SEMA6C: variants seen among roughly 807,000 people sequenced by gnomAD.
SEMA6C encodes the protein semaphorin 6C, also known as semaphorin-6C.
A neutral mutation model predicts 72.9 loss-of-function variants in SEMA6C; 37 were observed. That is an observed-to-expected ratio of 0.51 (90% CI 0.39 to 0.67). The LOEUF (loss-of-function observed/expected upper bound fraction) is 0.67. Ranked by LOEUF, SEMA6C falls within the 30% of genes least tolerant of loss-of-function variation. The probability of loss-of-function intolerance (pLI) is 0.00; values close to 1 mark genes in which losing one functional copy is unlikely to be tolerated. For missense variants in SEMA6C, 1,189 were observed against 1,263.6 expected (o/e 0.94, Z 0.89); for synonymous variants, 578 against 554.1 (o/e 1.04, Z -0.61).
At position 151,136,112 on chromosome 1, in the gene SEMA6C, T is replaced by C; in HGVS notation, c.1158A>G (p.Arg386=). Residue 386 remains arginine (R), a synonymous_variant, in exon 13 of 19, where the codon CGA becomes CGG. Transcript: ENST00000368914. The stretch of plus-strand genomic sequence containing the variant: ...AGGTCAGGACATCATCAGGGAGGTC[T>C]CGGGAAGAGGAGAACAAGGCAGCTC... ...VGGAALFSSS[R]DLPDDVLTFI... is the part of the protein sequence containing the mutation. The C allele has an allele frequency of 6.2e-7, 1 of 1,614,004 alleles. No individual in the cohort carries two copies. The highest frequency in any genetic ancestry group is 1.1e-5 in the South Asian group (1 of 91,066).
At position 151,132,714 on chromosome 1, in the gene SEMA6C, A is replaced by C. The variant is rs1016883312; in HGVS notation, c.2563T>G (p.Ser855Ala). ...AGGGCAGGGGGGGCCCGGTGGCCGG[A>C]GAAAGGCAACCTCCGGCCTCCGCCG... The part of the protein sequence containing the change: ...GVGGGRRLPF[S>A]GHRAPPALLT... Residue 855 changes from serine to alanine, a missense_variant, in exon 19 of 19, where the codon TCC becomes GCC. This residue lies in a region of SEMA6C where 721 missense variants were observed against 686.2 expected (regional missense o/e 1.05). Coordinates refer to ENST00000368914, the MANE Select transcript of SEMA6C (RefSeq NM_030913.6). 38 of 1,486,786 alleles carry C rather than the reference A, an allele frequency of 2.6e-5. No individual in the cohort carries two copies. The highest frequency in any genetic ancestry group is 3.2e-5 in the Non-Finnish European group (36 of 1,117,386). 92.1% of individuals were successfully genotyped at this position (1,486,786 alleles called of 1,614,324 possible).
At chr1:151,144,020 T>C (rs4971009) in intron 2 of SEMA6C, among the ~76,000 whole-genome samples, 142,766 of 151,860 alleles carry the variant, frequency 0.94, 67,132 homozygotes, top group Non-Finnish European at 0.96. Context: ...AGGTGGGGCC[T>C]CAAGAGAGCT....
chr1:151,132,273 A>G lies in SEMA6C; in HGVS notation c.*211T>C. ...CCTGAAATGCTGGCTCACTGAGGAG[A>G]CGGGCTTCTCACCTCCCACTCTTCT... On this transcript the variant is annotated 3_prime_UTR_variant, in exon 19 of 19. Coordinates refer to ENST00000368914, the MANE Select transcript of SEMA6C (RefSeq NM_030913.6). 1 of 1,530,176 alleles carries G rather than the reference A, an allele frequency of 6.5e-7. No homozygotes were observed. Among genetic ancestry groups the G allele is most frequent in the East Asian group, 2.5e-5 (1 of 40,542 alleles). The allele number at this position is 1,530,176 out of a possible 1,614,324, so 94.8% of individuals were successfully genotyped here. A position where few individuals can be genotyped will look rare whatever the true frequency, so the allele number is the denominator to read the frequency against.
At chr1:151,135,956 AGAG>A (rs1333564985) in intron 13 of SEMA6C, 52 bp downstream of exon 13, 48 of 1,609,228 alleles carry the variant, frequency 3.0e-5, no homozygotes, top group Non-Finnish European at 4.1e-5. Flanking sequence ...GGTCAAAGAA[AGAG>A]GAGGGTGGCT....
At position 151,138,951 on chromosome 1, in the gene SEMA6C, G is replaced by A. The variant is rs954755444; in HGVS notation, c.355-220C>T. Among the ~76,000 whole-genome samples the A allele has an allele frequency of 8.5e-5, 13 of 152,102 alleles. No individual in the cohort carries two copies. In the South Asian group the frequency reaches 1.9e-3, roughly 22 times the overall value. ...CTACTAAAATACAAAAAATTAGCTG[G>A]GTGTAGCAGCATGTGCCTGTAATCC... On this transcript the variant is annotated intron_variant, in intron 6 of 18. Coordinates refer to ENST00000368914, the MANE Select transcript of SEMA6C (RefSeq NM_030913.6).
chr1:151,136,783 G>T, intron 11 of SEMA6C, 74 bp downstream of exon 11: 1 of 1,444,258 alleles, frequency 6.9e-7, no homozygotes, highest in Non-Finnish European at 9.7e-7. Flanking sequence ...CCCATCAGTA[G>T]GCTGTGAAAG....
intron 5 of SEMA6C, 40 bp from the exon 6 acceptor site, chr1:151,139,521 G>A (rs1682353810): frequency 6.2e-7 from 1 of 1,602,490 alleles, no homozygotes; most frequent in African/African-American, 1.3e-5. Context: ...ATGGGCAACT[G>A]GGTTCCCTCC....
chr1:151,133,102 C>T lies in SEMA6C; in HGVS notation c.2175G>A (p.Arg725=). 1.3e-6 allele frequency: 2 copies of T among 1,564,932 alleles called. No individual in the cohort carries two copies. The highest frequency in any genetic ancestry group is 1.7e-6 in the Non-Finnish European group (2 of 1,167,022). The change falls in exon 19 of 19, where the codon AGG becomes AGA. Residue 725 remains arginine (R), a synonymous_variant. Transcript: ENST00000368914. This position sits in a 1 kb window ranked among gnomAD's most constrained non-coding sequence, Gnocchi z 5.9. Reference sequence around the variant, plus strand: ...GGCCCGGACCCTCCTTGGCGTTGTTCCTGTTCTGGTTCCACTCCCAGGGGT... The same window carrying T: ...GGCCCGGACCCTCCTTGGCGTTGTTTCTGTTCTGGTTCCACTCCCAGGGGT... ...AGDPWEWNQN[R]NNAKEGPGRS...
Position 151,132,659 on chromosome 1 carries a change from G to A in SEMA6C, c.2618C>T (p.Ser873Phe). 6.5e-7 allele frequency: 1 copy of A among 1,549,832 alleles called. No homozygotes were observed. Among genetic ancestry groups the A allele is most frequent in the South Asian group, 1.2e-5 (1 of 84,054 alleles). The change falls in exon 19 of 19, where the codon TCC (serine) becomes TTC (phenylalanine). Residue 873 changes from serine (S) to phenylalanine (F), a missense_variant. Physicochemically the swap from Ser to Phe is radical, Grantham distance 155 (BLOSUM62 -2). Coordinates refer to ENST00000368914, the MANE Select transcript of SEMA6C (RefSeq NM_030913.6). The stretch of plus-strand genomic sequence containing the variant: ...CTTCCCGGGACCCCCGGAGTACCTG[G>A]AGGGACCTCCCGAGGGGACTCGAGT... ...LLTRVPSGGP[S>F]RYSGGPGKHL...
At chr1:151,137,351 C>G (rs1056304881) in intron 10 of SEMA6C, among the ~76,000 whole-genome samples, 34 of 148,040 alleles carry the variant, frequency 2.3e-4, no homozygotes, top group African/African-American at 8.2e-4. Context: ...GAGGCTGAGG[C>G]AGGAGAATGG....
In SEMA6C at chr1:151,133,521, C is replaced by A; in HGVS notation, c.1760-4G>T. 1 of 1,504,238 alleles carries A rather than the reference C, an allele frequency of 6.6e-7. No homozygotes were observed. Among genetic ancestry groups the A allele is most frequent in the Admixed American group, 2.1e-5 (1 of 46,716 alleles). The allele number at this position is 1,504,238 out of a possible 1,614,324, so 93.2% of individuals were successfully genotyped here. A position where few individuals can be genotyped will look rare whatever the true frequency, so the allele number is the denominator to read the frequency against. On this transcript the variant is annotated splice_region_variant and splice_polypyrimidine_tract_variant and intron_variant, in intron 18 of 18. Transcript: ENST00000368914. This position sits in a 1 kb window ranked among gnomAD's most constrained non-coding sequence, Gnocchi z 5.9. ...GGGGGCAGGTCCCGGCGCACGCCTGCCGACCGAGAGGGAGGAGGGAGGCTC... is the reference window on the plus strand; with the variant it reads ...GGGGGCAGGTCCCGGCGCACGCCTGACGACCGAGAGGGAGGAGGGAGGCTC...
chr1:151,136,024 T>A lies in SEMA6C; in HGVS notation c.1246A>T (p.Thr416Ser). 4 of 1,613,556 alleles carry A rather than the reference T, an allele frequency of 2.5e-6. No homozygotes were observed. Among genetic ancestry groups the A allele is most frequent in the Non-Finnish European group, 3.4e-6 (4 of 1,179,876 alleles). ...VPPVTHQPLL[T>S]LTSRALLTQV... ...TCAGCCCCATACCTGCTAGTGAGAG[T>A]GAGTAGAGGCTGATGGGTGACAGGT... Residue 416 changes from threonine to serine, a missense_variant, in exon 13 of 19, where the codon ACT (threonine) becomes TCT (serine). Thr to Ser is a moderately conservative substitution (Grantham distance 58). This residue lies in a region of SEMA6C where 468 missense variants were observed against 577.4 expected (regional missense o/e 0.81). Transcript: ENST00000368914.
At chr1:151,136,771 G>A in intron 11 of SEMA6C, 86 bp downstream of exon 11, 1 of 1,403,702 alleles carries the variant, frequency 7.1e-7, no homozygotes, top group Non-Finnish European at 1.0e-6. Flanking sequence ...TCCCTTAACT[G>A]CCCCATCAGT....
chr1:151,139,935 G>A (rs1450724396), intron 4 of SEMA6C, 41 bp downstream of exon 4: 6 of 1,576,268 alleles, frequency 3.8e-6, no homozygotes, highest in African/African-American at 1.4e-5. Flanking sequence ...CTGCCCAGGA[G>A]CATGCATGTC....
rs1486346925 is a variant in SEMA6C, at chr1:151,139,501, A to C, written c.298-20T>G. On this transcript the variant is annotated intron_variant, in intron 5 of 18. Transcript: ENST00000368914. ...TAGATACTGAAGGGATAAGTTGAAG[A>C]GGGAAAATCATGGGCAACTGGGTTC... The C allele has an allele frequency of 1.9e-6, 3 of 1,613,122 alleles. No individual in the cohort carries two copies. The highest frequency in any genetic ancestry group is 2.5e-6 in the Non-Finnish European group (3 of 1,179,164).
Position 151,132,558 on chromosome 1 carries a change from A to T in SEMA6C, c.2719T>A (p.Leu907Met), listed in dbSNP as rs1572016442. 6.4e-7 allele frequency: 1 copy of T among 1,551,266 alleles called. No homozygotes were observed. Among genetic ancestry groups the T allele is most frequent in the African/African-American group, 1.4e-5 (1 of 73,206 alleles). ...CCGACGAGGGGAGGCTTCAGGGACA[A>T]CTGGGGCTTCTCGACGTCCACCCTT... ...LKRVDVEKPQLSLKPPLVGPS... is the reference protein window; with the variant it reads ...LKRVDVEKPQMSLKPPLVGPS... Residue 907 changes from leucine to methionine, a missense_variant, in exon 19 of 19, where the codon TTG becomes ATG. Leu to Met is a conservative substitution (Grantham distance 15, BLOSUM62 2). Around this residue, in one of 2 missense-constraint regions of SEMA6C, gnomAD observed 721 missense variants for 686.2 expected, o/e 1.05. Coordinates refer to ENST00000368914, the MANE Select transcript of SEMA6C (RefSeq NM_030913.6).
chr1:151,135,108 T>C, intron 15 of SEMA6C, 55 bp downstream of exon 15: 2 of 1,596,374 alleles, frequency 1.3e-6, no homozygotes, highest in Non-Finnish European at 1.7e-6. Context: ...GTTTCTGTGC[T>C]CTTGCTGGCC....
At chr1:151,144,216 G>C (rs992571624) in intron 2 of SEMA6C, among the ~76,000 whole-genome samples, 169 bp downstream of exon 2, 3 of 151,866 alleles carry the variant, frequency 2.0e-5, no homozygotes, top group Non-Finnish European at 4.4e-5. Flanking sequence ...TCCCCAACCT[G>C]CTCTCCCCAC....
chr1:151,138,811 G>C (rs1389066930), intron 6 of SEMA6C, 80 bp from the exon 7 acceptor site: 2 of 1,174,248 alleles, frequency 1.7e-6, no homozygotes, highest in Non-Finnish European at 2.5e-6. Flanking sequence ...TGGGCTTACA[G>C]GGCGGGCGTG....
Sources: gnomAD v4.1 joint callset for allele counts (sites outside exome capture counted in the v4.1 genomes callset) on GRCh38, gnomAD v4.1.1 for gene constraint, gnomAD v4.1.1 regional missense constraint, Gnocchi (gnomAD v3.1) non-coding constraint, MANE v1.5 for transcripts, NCBI Gene and HGNC (gene_info 2026-07-23, HGNC 2026-07-21) for gene names.